The following NCAM2 variants were observed in gnomAD, a reference collection of about 807,000 sequenced individuals.
The protein encoded by NCAM2 is neural cell adhesion molecule 2.
In NCAM2, 30 loss-of-function variants were observed where a neutral mutation model predicts 98.1. The ratio of observed to expected loss-of-function variants is 0.31; its 90% CI spans 0.23 to 0.41. The LOEUF is 0.41. Ranked by LOEUF, NCAM2 falls within the 10% of genes least tolerant of loss-of-function variation. The pLI is 1.00. For missense variants in NCAM2, 867 were observed against 1,005.8 expected (o/e 0.86, Z 1.87); for synonymous variants, 368 against 342.4 (o/e 1.07, Z -0.83).
chr21:21,526,583 C>T (rs1336278185), intron 16 of NCAM2, among the ~76,000 whole-genome samples: 1 of 151,958 alleles, frequency 6.6e-6, no homozygotes, highest in Non-Finnish European at 1.5e-5. Flanking sequence ...AGTGTAATCC[C>T]AACAAAATCA....
intron 1 of NCAM2, among the ~76,000 whole-genome samples, chr21:21,272,608 C>A (rs911046418): frequency 6.6e-6 from 1 of 151,586 alleles, no homozygotes; most frequent in African/African-American, 2.4e-5. Flanking sequence ...AGCAGCCTAG[C>A]AATGGGGAGA....
chr21:21,000,863 C>A (rs2064008295), intron 1 of NCAM2, among the ~76,000 whole-genome samples: 1 of 152,028 alleles, frequency 6.6e-6, no homozygotes, highest in African/African-American at 2.4e-5. Context: ...GATGCAGCAG[C>A]AAGTATCAGA....
chr21:21,064,666 G>T (rs62207566), intron 1 of NCAM2, among the ~76,000 whole-genome samples: 1 of 152,040 alleles, frequency 6.6e-6, no homozygotes, highest in Admixed American at 6.5e-5. Flanking sequence ...AGAAATTCAT[G>T]TGGACAGTTT....
intron 15 of NCAM2, among the ~76,000 whole-genome samples, chr21:21,504,777 ACTT>A (rs1987870599): frequency 6.6e-6 from 1 of 151,742 alleles, no homozygotes; most frequent in Non-Finnish European, 1.5e-5. Context: ...AAACTTATAA[ACTT>A]ATTATTTTTC....
chr21:21,247,851 A>T (rs1257661866), intron 1 of NCAM2, among the ~76,000 whole-genome samples: 2 of 152,166 alleles, frequency 1.3e-5, no homozygotes, highest in Non-Finnish European at 2.9e-5. Flanking sequence ...CATCACTGCC[A>T]GTAGAATTTG....
intron 1 of NCAM2, among the ~76,000 whole-genome samples, chr21:21,012,232 T>C (rs2064225282): frequency 1.3e-5 from 2 of 151,944 alleles, no homozygotes; most frequent in South Asian, 4.1e-4. Context: ...TAGGGTGGGG[T>C]TTAGAGTGGT....
intron 1 of NCAM2, among the ~76,000 whole-genome samples, chr21:21,072,425 T>G (rs1190675254): frequency 3.3e-5 from 5 of 152,166 alleles, no homozygotes; most frequent in African/African-American, 1.2e-4. Flanking sequence ...TAAGAAATAC[T>G]TATAGAAAAC....
At chr21:21,039,221 C>T (rs1292038506) in intron 1 of NCAM2, among the ~76,000 whole-genome samples, 1 of 152,112 alleles carries the variant, frequency 6.6e-6, no homozygotes, top group African/African-American at 2.4e-5. Flanking sequence ...GCGTCTAGTA[C>T]CTATCATTCT....
chr21:21,466,120 A>G (rs2146210644), intron 12 of NCAM2, among the ~76,000 whole-genome samples: 1 of 152,082 alleles, frequency 6.6e-6, no homozygotes, highest in African/African-American at 2.4e-5. Context: ...AGAATAAACT[A>G]TTTTTGCTGT....
chr21:21,440,470 T>TC (rs1979069168), intron 12 of NCAM2, among the ~76,000 whole-genome samples: 2 of 152,052 alleles, frequency 1.3e-5, no homozygotes, highest in African/African-American at 4.8e-5. Flanking sequence ...CTGCTTGAGC[T>TC]CAGGAGTTCA....
chr21:21,120,911 T>C (rs2146565265), intron 1 of NCAM2, among the ~76,000 whole-genome samples: 1 of 151,820 alleles, frequency 6.6e-6, no homozygotes, highest in East Asian at 1.9e-4. Flanking sequence ...AGAGATGGGG[T>C]TTCAGCATCT....
At chr21:21,444,127 G>C (rs909615873) in intron 12 of NCAM2, among the ~76,000 whole-genome samples, 2 of 152,112 alleles carry the variant, frequency 1.3e-5, no homozygotes, top group Non-Finnish European at 2.9e-5. Flanking sequence ...TTATGTGATG[G>C]ATTACGTTTA....
At chr21:21,373,753 T>G in intron 8 of NCAM2, 110 bp from the exon 9 acceptor site, 1 of 1,014,576 alleles carries the variant, frequency 9.9e-7, no homozygotes, top group East Asian at 2.8e-5. Context: ...AACAGTTTCT[T>G]TTTTCTTTTT....
At chr21:21,126,705 T>C (rs1188442570) in intron 1 of NCAM2, among the ~76,000 whole-genome samples, 1 of 152,024 alleles carries the variant, frequency 6.6e-6, no homozygotes, top group African/African-American at 2.4e-5. Flanking sequence ...TTATGTTTTG[T>C]GAAAAGTAAT....
intron 1 of NCAM2, among the ~76,000 whole-genome samples, chr21:21,177,582 AAGT>A (rs1025123588): frequency 6.6e-6 from 1 of 152,134 alleles, no homozygotes; most frequent in Admixed American, 6.5e-5. Context: ...TATATATTTA[AAGT>A]CAGTAAAGTG....
At chr21:21,314,081 T>C (rs1405315420) in intron 5 of NCAM2, among the ~76,000 whole-genome samples, 1 of 152,134 alleles carries the variant, frequency 6.6e-6, no homozygotes, top group Non-Finnish European at 1.5e-5. Flanking sequence ...AAAAAGTGAA[T>C]AGTGTGACAT....
intron 1 of NCAM2, among the ~76,000 whole-genome samples, chr21:21,013,733 A>G (rs571002644): frequency 6.6e-6 from 1 of 151,798 alleles, no homozygotes; most frequent in Non-Finnish European, 1.5e-5. Flanking sequence ...GTGAGCTGGG[A>G]TTGTGCCATT....
rs965454643 is a variant in NCAM2 at position 21,055,636 on chromosome 21, T to A, written c.55+57018T>A. On this transcript the variant is annotated intron_variant, in intron 1 of 17. Coordinates refer to ENST00000400546, the MANE Select transcript of NCAM2 (RefSeq NM_004540.5). Reference sequence around the variant, plus strand: ...TAATATGTAAAAACTAAAGCTCATCTCAACACAAAATGGAGATCACTGGGG... The same window carrying A: ...TAATATGTAAAAACTAAAGCTCATCACAACACAAAATGGAGATCACTGGGG... Among the ~76,000 whole-genome samples the A allele has an allele frequency of 5.3e-5, 8 of 152,084 alleles. 1 individual carries two copies. The highest frequency in any genetic ancestry group is 5.2e-4 in the Admixed American group (8 of 15,260).
chr21:21,298,948 C>T (rs969132), intron 5 of NCAM2, among the ~76,000 whole-genome samples: 110,251 of 149,500 alleles, frequency 0.74, 40,728 homozygotes, highest in South Asian at 0.82. Flanking sequence ...TGATTAGGGG[C>T]TGACCTTTGT....
Sources: allele counts gnomAD v4.1 joint callset (sites outside exome capture counted in the v4.1 genomes callset), GRCh38; gene constraint gnomAD v4.1.1; transcripts MANE v1.5; gene names NCBI Gene and HGNC (gene_info 2026-07-23, HGNC 2026-07-21).